The following RNGTT variants were observed in gnomAD, a reference collection of about 807,000 sequenced individuals.
RNGTT encodes RNA guanylyltransferase and 5'-phosphatase.
Under a neutral mutation model 79.3 loss-of-function variants are expected in RNGTT, and 33 were observed. That is an observed-to-expected ratio of 0.42 (90% CI 0.32 to 0.56). The LOEUF (loss-of-function observed/expected upper bound fraction) is 0.56, where lower values mean the gene tolerates loss of function less well. RNGTT is among the 20% of genes least tolerant of loss of function. The pLI, the probability that RNGTT is intolerant of heterozygous loss-of-function variation, is 0.17. For synonymous variants in RNGTT, 222 were observed against 235.9 expected (o/e 0.94, Z 0.54); for missense variants, 497 against 739.1 (o/e 0.67, Z 3.80).
Position 88,643,852 on chromosome 6 carries a change from G to C in RNGTT, c.1507-29457C>G, listed in dbSNP as rs551157874. On this transcript the variant is annotated intron_variant, in intron 14 of 15. Transcript: ENST00000369485. Reference sequence around the variant, plus strand: ...AGAATCTCTGGGACACATTTAAAGCGGTGTGTAGAGGGAAATGTATGGCAC... The same window carrying C: ...AGAATCTCTGGGACACATTTAAAGCCGTGTGTAGAGGGAAATGTATGGCAC... Among the ~76,000 whole-genome samples, 10 of 152,058 alleles carry C rather than the reference G, an allele frequency of 6.6e-5. No individual in the cohort carries two copies. The South Asian group carries it at 1.4e-3, about 22-fold the overall frequency.
At chr6:88,880,109 A>C (rs533374520) in intron 8 of RNGTT, among the ~76,000 whole-genome samples, 44 of 152,304 alleles carry the variant, frequency 2.9e-4, no homozygotes, top group African/African-American at 1.0e-3. Flanking sequence ...ATTCTGTCTT[A>C]AGCAGTCCTA....
intron 13 of RNGTT, among the ~76,000 whole-genome samples, chr6:88,701,909 C>T (rs1775960208): frequency 6.6e-6 from 1 of 152,024 alleles, no homozygotes; most frequent in South Asian, 2.1e-4. Context: ...CATTTCTATA[C>T]ACCAACAATG....
At position 88,963,293 on chromosome 6, in the gene RNGTT, AC is replaced by A. The variant is rs1296798143; in HGVS notation, c.64+52del. On this transcript the variant is annotated intron_variant, in intron 1 of 15. Transcript: ENST00000369485. ...AAAAGCTGAGCTCCTCAGTCGGCCC[AC>A]CCCCGGGCACGTTGGAGTGTGGGGA... is the stretch of plus-strand genomic sequence containing the variant. 1.3e-5 allele frequency: 21 copies of A among 1,592,616 alleles called. No individual in the cohort carries two copies. In the East Asian group the frequency reaches 3.6e-4, roughly 28 times the overall value.
At chr6:88,826,501 C>T (rs749257162) in intron 11 of RNGTT, among the ~76,000 whole-genome samples, 18 of 151,968 alleles carry the variant, frequency 1.2e-4, no homozygotes, top group Non-Finnish European at 2.1e-4. Flanking sequence ...TAAAAATCAT[C>T]GGCCAGGTGC....
At chr6:88,929,995 TAC>T (rs949900925) in intron 2 of RNGTT, among the ~76,000 whole-genome samples, 3 of 145,660 alleles carry the variant, frequency 2.1e-5, no homozygotes, top group African/African-American at 7.5e-5. Context: ...TATACATGTA[TAC>T]ATATATACAT....
At chr6:88,771,854 A>G (rs185652242) in intron 12 of RNGTT, among the ~76,000 whole-genome samples, 3 of 152,262 alleles carry the variant, frequency 2.0e-5, no homozygotes, top group African/African-American at 7.2e-5. Flanking sequence ...ATAAAAATCA[A>G]AAGAAAAAAA....
chr6:88,660,362 A>G (rs1008703990), intron 14 of RNGTT, among the ~76,000 whole-genome samples: 2 of 152,208 alleles, frequency 1.3e-5, no homozygotes, highest in Admixed American at 6.5e-5. Flanking sequence ...ACAGAATAGC[A>G]GAATGGATAA....
chr6:88,663,817 G>A (rs1484036216), intron 14 of RNGTT, among the ~76,000 whole-genome samples: 2 of 152,200 alleles, frequency 1.3e-5, no homozygotes, highest in African/African-American at 4.8e-5. Context: ...TGGGGTAAAT[G>A]AGGAGGGGCA....
intron 8 of RNGTT, among the ~76,000 whole-genome samples, chr6:88,882,473 T>C (rs1782720636): frequency 6.6e-6 from 1 of 152,218 alleles, no homozygotes; most frequent in Admixed American, 6.5e-5. Context: ...ACAGAAACTA[T>C]AATTTAGTGT....
intron 1 of RNGTT, among the ~76,000 whole-genome samples, chr6:88,949,987 G>A (rs1397462584): frequency 6.6e-6 from 1 of 152,162 alleles, no homozygotes; most frequent in Non-Finnish European, 1.5e-5. Context: ...CAAAGGACAG[G>A]CTGACTTTCT....
At chr6:88,930,073 TAC>T (rs1469650277) in intron 2 of RNGTT, among the ~76,000 whole-genome samples, 2 of 147,082 alleles carry the variant, frequency 1.4e-5, no homozygotes, top group African/African-American at 5.0e-5. Context: ...TGCATATGTA[TAC>T]ATATACATAT....
Position 88,748,809 on chromosome 6 carries a change from A to C in RNGTT, c.1439+20965T>G, listed in dbSNP as rs1777748816. Among the ~76,000 whole-genome samples, 3 of 152,264 alleles carry C rather than the reference A, an allele frequency of 2.0e-5. No individual in the cohort carries two copies. The South Asian group carries it at 6.2e-4, about 32-fold the overall frequency. ...TAATATTTGAAGAAATAATAGCAGG[A>C]AAAGCTCAGAAATGATGAAAAACAA... On this transcript the variant is annotated intron_variant, in intron 13 of 15. Coordinates refer to ENST00000369485, the MANE Select transcript of RNGTT (RefSeq NM_003800.5).
At chr6:88,665,595 G>A (rs548678143) in intron 14 of RNGTT, among the ~76,000 whole-genome samples, 3 of 152,302 alleles carry the variant, frequency 2.0e-5, no homozygotes, top group African/African-American at 2.4e-5. Context: ...CCTGAAGGAC[G>A]CCTTCTTTAG....
At chr6:88,859,936 G>A (rs959010187) in intron 8 of RNGTT, among the ~76,000 whole-genome samples, 11 of 152,126 alleles carry the variant, frequency 7.2e-5, no homozygotes, top group African/African-American at 2.4e-4. Context: ...GGGTGGACTC[G>A]AACTGAGAGA....
chr6:88,949,206 A>G (rs1223559182), intron 1 of RNGTT, among the ~76,000 whole-genome samples: 1 of 146,372 alleles, frequency 6.8e-6, no homozygotes, highest in Admixed American at 6.8e-5. Context: ...GGAGGCTGTT[A>G]CAAGTGCTAC....
intron 12 of RNGTT, among the ~76,000 whole-genome samples, chr6:88,782,416 A>T (rs950973746): frequency 1.3e-5 from 2 of 152,118 alleles, no homozygotes; most frequent in Admixed American, 6.5e-5. Flanking sequence ...AATGGATTAA[A>T]CATTTAAACA....
intron 14 of RNGTT, among the ~76,000 whole-genome samples, chr6:88,623,352 A>G (rs1485966960): frequency 6.6e-6 from 1 of 151,918 alleles, no homozygotes. Flanking sequence ...ATATCGGTAA[A>G]TATATGTTTT....
intron 11 of RNGTT, among the ~76,000 whole-genome samples, chr6:88,826,844 A>ATG (rs1192605195): frequency 2.5e-4 from 30 of 118,772 alleles, no homozygotes; most frequent in African/African-American, 9.1e-4. Context: ...ATATATATAT[A>ATG]TGTGTGTGTG....
chr6:88,735,581 AAG>A (rs1554211429), intron 13 of RNGTT, among the ~76,000 whole-genome samples: 3 of 147,214 alleles, frequency 2.0e-5, no homozygotes, highest in African/African-American at 5.1e-5. Context: ...AAAAAAAAAA[AAG>A]AAAGAAAGAA....
Sources: allele counts gnomAD v4.1 joint callset (sites outside exome capture counted in the v4.1 genomes callset), GRCh38; gene constraint gnomAD v4.1.1; transcripts MANE v1.5; gene names NCBI Gene and HGNC (gene_info 2026-07-23, HGNC 2026-07-21).